Variants in MAPK4 observed in about 807,000 individuals in gnomAD.
MAPK4 encodes mitogen-activated protein kinase 4.
Under a neutral mutation model 47.7 loss-of-function variants are expected in MAPK4, and 22 were observed. The observed-to-expected ratio is 0.46, with a 90% CI of 0.33 to 0.66. The LOEUF is 0.66. MAPK4 is among the 30% of genes least tolerant of loss of function. The probability of loss-of-function intolerance (pLI) is 0.02; values close to 1 mark genes in which losing one functional copy is unlikely to be tolerated. For synonymous variants in MAPK4, 390 were observed against 365.7 expected (o/e 1.07, Z -0.76); for missense variants, 736 against 831.7 (o/e 0.88, Z 1.42).
At chr18:50,585,071 C>T (rs10432162) in intron 1 of MAPK4, among the ~76,000 whole-genome samples, 34,512 of 152,084 alleles carry the variant, frequency 0.23, 3,938 homozygotes, top group South Asian at 0.3. Context: ...TGCTAAATTA[C>T]GCTAAGTTTC....
chr18:50,619,658 A>T (rs1401887367), intron 1 of MAPK4, among the ~76,000 whole-genome samples: 20 of 152,162 alleles, frequency 1.3e-4, no homozygotes, highest in Admixed American at 1.3e-3. Flanking sequence ...ATCCAGTGAG[A>T]CAAGCAAATT....
At chr18:50,620,752 A>T (rs1025685) in intron 1 of MAPK4, among the ~76,000 whole-genome samples, 43,725 of 151,628 alleles carry the variant, frequency 0.29, 7,518 homozygotes, top group South Asian at 0.39. Context: ...AAAAATTAAA[A>T]ATATATATAT....
intron 2 of MAPK4, chr18:50,669,613 G>A (rs528007376): frequency 6.6e-6 from 1 of 152,326 alleles, no homozygotes; most frequent in African/African-American, 2.4e-5. Flanking sequence ...TATGACTAGC[G>A]TGCATCATGG....
intron 1 of MAPK4, among the ~76,000 whole-genome samples, chr18:50,565,376 G>A (rs963259135): frequency 6.6e-6 from 1 of 152,182 alleles, no homozygotes; most frequent in Admixed American, 6.5e-5. Context: ...CCTTGTAAAC[G>A]AGGTTGGTCA....
chr18:50,707,557 G>A (rs1259720288), intron 2 of MAPK4, among the ~76,000 whole-genome samples: 1 of 134,928 alleles, frequency 7.4e-6, no homozygotes, highest in Non-Finnish European at 1.6e-5. Context: ...GTGACAGAGT[G>A]AGCCTCTGTC....
At chr18:50,561,877 G>T (rs370545743) in intron 1 of MAPK4, among the ~76,000 whole-genome samples, 4 of 152,168 alleles carry the variant, frequency 2.6e-5, no homozygotes, top group South Asian at 2.1e-4. Flanking sequence ...AAGCACCATG[G>T]AGTTATCACA....
At chr18:50,723,658 T>A (rs568535067) in intron 4 of MAPK4, among the ~76,000 whole-genome samples, 1 of 151,498 alleles carries the variant, frequency 6.6e-6, no homozygotes, top group South Asian at 2.1e-4. Context: ...AGCCCAGGAG[T>A]TTCAGGCCAG....
At chr18:50,644,040 C>T (rs191512600) in intron 1 of MAPK4, among the ~76,000 whole-genome samples, 57 of 152,218 alleles carry the variant, frequency 3.7e-4, no homozygotes, top group Non-Finnish European at 6.0e-4. Context: ...TGCAGATCCA[C>T]ATCTTAGTAG....
intron 2 of MAPK4, among the ~76,000 whole-genome samples, chr18:50,689,051 G>C (rs896514142): frequency 6.6e-6 from 1 of 151,998 alleles, no homozygotes; most frequent in African/African-American, 2.4e-5. Context: ...ATGAAGTCAG[G>C]AGTTTGAGAC....
Position 50,729,567 on chromosome 18 carries a change from A to G in MAPK4, c.1477A>G (p.Ile493Val). Residue 493 changes from isoleucine (I) to valine (V), a missense_variant, in exon 6 of 6, where the codon ATC (isoleucine) becomes GTC (valine). Physicochemically the swap from Ile to Val is conservative, Grantham distance 29. Coordinates refer to ENST00000400384, the MANE Select transcript of MAPK4 (RefSeq NM_002747.4). ...CGAGCCGGCCAGCCTCTTCCTGGAG[A>G]TCGCGCAGTGGGTCAAGAGCACGCA... is the stretch of plus-strand genomic sequence containing the variant. ...EDEPASLFLEIAQWVKSTQGG... is the reference protein window; with the variant it reads ...EDEPASLFLEVAQWVKSTQGG... 7.0e-7 allele frequency: 1 copy of G among 1,424,522 alleles called. No individual in the cohort carries two copies. Among genetic ancestry groups the G allele is most frequent in the Non-Finnish European group, 9.2e-7 (1 of 1,088,162 alleles). 88.2% of individuals were successfully genotyped at this position (1,424,522 alleles called of 1,614,324 possible).
At chr18:50,727,274 C>T (rs1262449296) in intron 5 of MAPK4, among the ~76,000 whole-genome samples, 1 of 152,166 alleles carries the variant, frequency 6.6e-6, no homozygotes, top group Non-Finnish European at 1.5e-5. Flanking sequence ...GCTCAAGCAG[C>T]TAGGACTCCG....
At chr18:50,641,468 G>A (rs1475885853) in intron 1 of MAPK4, among the ~76,000 whole-genome samples, 1 of 152,024 alleles carries the variant, frequency 6.6e-6, no homozygotes, top group Non-Finnish European at 1.5e-5. Context: ...TTCTATAGAT[G>A]TTCGATTTGA....
chr18:50,576,462 C>T (rs1222111158), intron 1 of MAPK4, among the ~76,000 whole-genome samples: 2 of 152,088 alleles, frequency 1.3e-5, no homozygotes, highest in African/African-American at 2.4e-5. Context: ...CACAAAGGAA[C>T]AACAGACACT....
intron 1 of MAPK4, among the ~76,000 whole-genome samples, chr18:50,584,715 G>A (rs1002382547): frequency 2.0e-4 from 30 of 152,214 alleles, no homozygotes; most frequent in African/African-American, 7.2e-4. Flanking sequence ...GTCAGTTGGA[G>A]TCATCTATTC....
At chr18:50,573,364 A>G (rs2042266366) in intron 1 of MAPK4, among the ~76,000 whole-genome samples, 1 of 152,160 alleles carries the variant, frequency 6.6e-6, no homozygotes, top group African/African-American at 2.4e-5. Flanking sequence ...GCAAAGCTTC[A>G]TCTCTATTTA....
At chr18:50,639,936 A>G (rs968994814) in intron 1 of MAPK4, among the ~76,000 whole-genome samples, 5 of 152,240 alleles carry the variant, frequency 3.3e-5, no homozygotes, top group African/African-American at 9.6e-5. Flanking sequence ...GCAACTAACC[A>G]CAGGTCTGAA....
At chr18:50,623,431 C>A (rs1444790438) in intron 1 of MAPK4, among the ~76,000 whole-genome samples, 2 of 152,232 alleles carry the variant, frequency 1.3e-5, no homozygotes, top group East Asian at 1.9e-4. Context: ...ACCTTCAACA[C>A]CCAGTCCAGC....
At chr18:50,603,611 G>A (rs1463693328) in intron 1 of MAPK4, among the ~76,000 whole-genome samples, 2 of 152,174 alleles carry the variant, frequency 1.3e-5, no homozygotes, top group African/African-American at 2.4e-5. Context: ...CACAGCTGCA[G>A]AATGGGAATA....
chr18:50,719,803 C>G (rs180813688), intron 3 of MAPK4, among the ~76,000 whole-genome samples: 1 of 152,364 alleles, frequency 6.6e-6, no homozygotes, highest in East Asian at 1.9e-4. Context: ...GGCCTCTCAT[C>G]TTCAGGCTCA....
Sources: gnomAD v4.1 joint callset for allele counts (sites outside exome capture counted in the v4.1 genomes callset) on GRCh38, gnomAD v4.1.1 for gene constraint, MANE v1.5 for transcripts, NCBI Gene and HGNC (gene_info 2026-07-23, HGNC 2026-07-21) for gene names.